CNIH3: variants seen among roughly 807,000 people sequenced by gnomAD.
The protein encoded by CNIH3 is protein cornichon homolog 3.
In CNIH3, 14 loss-of-function variants were observed where a neutral mutation model predicts 24.1. The ratio of observed to expected loss-of-function variants is 0.58; its 90% CI spans 0.38 to 0.91. The LOEUF is 0.91. Among genes scored for constraint, CNIH3 ranks in the 40% least tolerant of loss-of-function variants. The probability of loss-of-function intolerance (pLI) is 0.00; values close to 1 mark genes in which losing one functional copy is unlikely to be tolerated. For synonymous variants in CNIH3, 68 were observed against 73.8 expected, an observed-to-expected ratio of 0.92 and a Z score of 0.40; for missense variants, 178 against 196.8, an observed-to-expected ratio of 0.90 and a Z score of 0.57.
chr1:224,661,269 G>C (rs1685341083), intron 1 of CNIH3: 1 of 308,536 alleles, frequency 3.2e-6, no homozygotes, highest in East Asian at 9.3e-5. Flanking sequence ...GACCATTCTT[G>C]ACAATCCTTT....
intron 2 of CNIH3, among the ~76,000 whole-genome samples, chr1:224,682,232 A>G (rs1686436960): frequency 6.6e-6 from 1 of 152,226 alleles, no homozygotes; most frequent in African/African-American, 2.4e-5. Context: ...TTATATACAT[A>G]ATCTGTAATC....
intron 1 of CNIH3, among the ~76,000 whole-genome samples, chr1:224,669,458 A>G (rs1351500241): frequency 6.6e-6 from 1 of 152,170 alleles, no homozygotes; most frequent in Non-Finnish European, 1.5e-5. Flanking sequence ...TTCCACCTGT[A>G]ACAGGATGGG....
At chr1:224,686,510 G>A (rs1350402043) in intron 3 of CNIH3, among the ~76,000 whole-genome samples, 24 of 152,100 alleles carry the variant, frequency 1.6e-4, no homozygotes, top group Non-Finnish European at 7.4e-5. Flanking sequence ...ATAATCCTTT[G>A]GGTATATGCC....
At chr1:224,730,818 A>G (rs954578751) in intron 4 of CNIH3, among the ~76,000 whole-genome samples, 6 of 152,252 alleles carry the variant, frequency 3.9e-5, no homozygotes, top group African/African-American at 9.6e-5. Context: ...AAAAGCATCT[A>G]TAGTTGCATT....
At position 224,616,872 on chromosome 1, in the gene CNIH3, A is replaced by G; in HGVS notation, c.-303A>G. The stretch of plus-strand genomic sequence containing the variant: ...TCGAGGGGCTCACAGCTTGGCACTA[A>G]TTTGCAGGTGTTCGCTGCTGATTTG... On this transcript the variant is annotated 5_prime_UTR_variant, in exon 1 of 6. Transcript: ENST00000272133. The G allele has an allele frequency of 1.6e-6, 2 of 1,240,022 alleles. No individual in the cohort carries two copies. The highest frequency in any genetic ancestry group is 2.0e-6 in the Non-Finnish European group (2 of 989,836). 76.8% of individuals were successfully genotyped at this position (1,240,022 alleles called of 1,614,324 possible).
Position 224,703,059 on chromosome 1 carries a change from TAGCTCC to T in CNIH3, c.198+18219_198+18224del, listed in dbSNP as rs1475577444. 2.0e-5 allele frequency among the ~76,000 whole-genome samples: 3 copies of T among 152,176 alleles called. No individual in the cohort carries two copies. Among genetic ancestry groups the T allele is most frequent in the Non-Finnish European group, 4.4e-5 (3 of 68,026 alleles). ...CAGCATTTTATAAATGCTGCCAAGA[TAGCTCC>T]AGTATGCAGGCAGAGGCAAACCATT... On this transcript the variant is annotated intron_variant, in intron 3 of 5. Coordinates refer to ENST00000272133, the MANE Select transcript of CNIH3 (RefSeq NM_152495.2). The surrounding 1 kb of genome is among the most constrained non-coding windows in gnomAD (Gnocchi z 4.2).
chr1:224,707,728 T>A (rs1257352893), intron 3 of CNIH3, among the ~76,000 whole-genome samples: 3 of 152,164 alleles, frequency 2.0e-5, no homozygotes, highest in Non-Finnish European at 4.4e-5. Flanking sequence ...TGCACATTAT[T>A]TTGAGCAACA....
At chr1:224,658,124 A>G (rs1685184446) in intron 1 of CNIH3, among the ~76,000 whole-genome samples, 1 of 152,204 alleles carries the variant, frequency 6.6e-6, no homozygotes, top group Non-Finnish European at 1.5e-5. Context: ...GGACCCTAAT[A>G]GCTAAAAAAT....
At chr1:224,519,441 G>C (rs755712595) in intron 1 of CNIH3, among the ~76,000 whole-genome samples, 1 of 152,040 alleles carries the variant, frequency 6.6e-6, no homozygotes, top group African/African-American at 2.4e-5. Flanking sequence ...GCTTGCAGAC[G>C]GCAGATCATG....
intron 3 of CNIH3, among the ~76,000 whole-genome samples, chr1:224,710,960 C>T (rs1254203135): frequency 6.6e-6 from 1 of 152,110 alleles, no homozygotes; most frequent in Non-Finnish European, 1.5e-5. Flanking sequence ...TGTAGTCTTC[C>T]TGAGGGCCAA....
At chr1:224,518,178 C>T (rs982894004) in intron 1 of CNIH3, among the ~76,000 whole-genome samples, 1 of 152,210 alleles carries the variant, frequency 6.6e-6, no homozygotes, top group Non-Finnish European at 1.5e-5. Flanking sequence ...CCACAGACTG[C>T]AGCGATTCAT....
In CNIH3 at chr1:224,595,859, G is replaced by A. The variant is rs532977652; in HGVS notation, n.402+29595G>A. Among the ~76,000 whole-genome samples the A allele has an allele frequency of 2.0e-5, 3 of 152,212 alleles. No homozygotes were observed. The South Asian group carries it at 6.2e-4, about 32-fold the overall frequency. The stretch of plus-strand genomic sequence containing the variant: ...AAGCCAAAGCCTAACCCAGAGCAAG[G>A]CCCTAACTCTCTTCAATTCTATGAG... On this transcript the variant is annotated intron_variant and non_coding_transcript_variant, in intron 3 of 7. Coordinates refer to the CNIH3 transcript ENST00000478120.
intron 1 of CNIH3, among the ~76,000 whole-genome samples, chr1:224,632,853 C>T (rs1408820031): frequency 1.3e-5 from 2 of 152,062 alleles, no homozygotes; most frequent in Non-Finnish European, 2.9e-5. Flanking sequence ...TATTGGTTGG[C>T]AGTTTTAGTA....
At chr1:224,488,957 T>C (rs548209112) in intron 1 of CNIH3, among the ~76,000 whole-genome samples, 11 of 152,338 alleles carry the variant, frequency 7.2e-5, no homozygotes, top group African/African-American at 2.4e-4. Context: ...TAACCCTGTC[T>C]ACTAATTCCA....
chr1:224,661,577 CA>C, intron 1 of CNIH3: 5 of 377,616 alleles, frequency 1.3e-5, no homozygotes, highest in South Asian at 2.5e-5. Flanking sequence ...TCTCTTCCAC[CA>C]AAAAATTCCC....
At chr1:224,570,661 G>C (rs1680778881) in intron 4 of CNIH3, among the ~76,000 whole-genome samples, 1 of 151,906 alleles carries the variant, frequency 6.6e-6, no homozygotes, top group Non-Finnish European at 1.5e-5. Flanking sequence ...GTTTCTTTTG[G>C]TGAACATATG....
intron 1 of CNIH3, among the ~76,000 whole-genome samples, chr1:224,617,837 C>T (rs543962982): frequency 6.6e-6 from 1 of 152,206 alleles, no homozygotes; most frequent in East Asian, 1.9e-4. Flanking sequence ...GCGAGGGAGA[C>T]TGGGAAGGGC....
intron 1 of CNIH3, among the ~76,000 whole-genome samples, chr1:224,619,916 TA>T (rs1683200523): frequency 2.0e-5 from 3 of 152,242 alleles, no homozygotes; most frequent in Admixed American, 2.0e-4. Context: ...GTAATGATGG[TA>T]GCTACTATGT....
chr1:224,570,542 C>A (rs1045246177), intron 4 of CNIH3, among the ~76,000 whole-genome samples: 2 of 152,102 alleles, frequency 1.3e-5, no homozygotes, highest in Non-Finnish European at 2.9e-5. Flanking sequence ...ATTAAGATGT[C>A]TTTTTCTTAT....
Sources: allele counts gnomAD v4.1 joint callset (sites outside exome capture counted in the v4.1 genomes callset), GRCh38; gene constraint gnomAD v4.1.1; non-coding constraint Gnocchi (gnomAD v3.1); transcripts MANE v1.5; gene names NCBI Gene and HGNC (gene_info 2026-07-23, HGNC 2026-07-21).